Variants in TRIM36 observed in about 807,000 individuals in gnomAD.
TRIM36 encodes the protein E3 ubiquitin-protein ligase TRIM36.
A neutral mutation model predicts 72.4 loss-of-function variants in TRIM36; 42 were observed. The observed-to-expected ratio is 0.58, with a 90% CI of 0.45 to 0.75. The LOEUF (loss-of-function observed/expected upper bound fraction) is 0.75. TRIM36 is among the 30% of genes least tolerant of loss of function. The probability of loss-of-function intolerance (pLI) is 0.00; values close to 1 mark genes in which losing one functional copy is unlikely to be tolerated. For synonymous variants in TRIM36, 315 were observed against 282.8 expected (o/e 1.11, Z -1.14); for missense variants, 913 against 857.1 (o/e 1.07, Z -0.81).
At chr5:115,158,316 G>C (rs898636298) in intron 2 of TRIM36, among the ~76,000 whole-genome samples, 52 of 151,986 alleles carry the variant, frequency 3.4e-4, no homozygotes, top group African/African-American at 1.2e-3. Flanking sequence ...TAAAAAGTCA[G>C]CATAATTTTA....
At chr5:115,177,617 T>TG in intron 1 of TRIM36, 1 of 1,520,138 alleles carries the variant, frequency 6.6e-7, no homozygotes. Flanking sequence ...GGGCTAGTGC[T>TG]GGGGCTGCGG....
chr5:115,146,236 T>C (rs1416664639), intron 3 of TRIM36, among the ~76,000 whole-genome samples: 1 of 152,224 alleles, frequency 6.6e-6, no homozygotes, highest in African/African-American at 2.4e-5. Context: ...TGCCTTAATC[T>C]ACCAATCCTT....
intron 2 of TRIM36, among the ~76,000 whole-genome samples, chr5:115,162,812 C>A (rs1308735522): frequency 6.6e-6 from 1 of 151,960 alleles, no homozygotes; most frequent in African/African-American, 2.4e-5. Context: ...TGATGACTAG[C>A]CATTAGGTAG....
At chr5:115,138,600 G>T (rs1451912180) in intron 5 of TRIM36, among the ~76,000 whole-genome samples, 1 of 152,022 alleles carries the variant, frequency 6.6e-6, no homozygotes, top group Non-Finnish European at 1.5e-5. Flanking sequence ...TTTTTGTGAA[G>T]AGATTTTAAA....
chr5:115,147,948 T>C (rs1246397510), intron 2 of TRIM36, among the ~76,000 whole-genome samples: 4 of 152,224 alleles, frequency 2.6e-5, no homozygotes, highest in African/African-American at 9.6e-5. Flanking sequence ...ACAGCTTTTA[T>C]CAGATTTTCA....
Position 115,147,360 on chromosome 5 carries a change from A to C in TRIM36, c.297T>G (p.Thr99=), listed in dbSNP as rs763211112. ...GCTCACAGCCAGGGCAAGGGAAAAC[A>C]GTTGTCCTCGGGGTCAATGAATTGC... is the stretch of plus-strand genomic sequence containing the variant. ...WKRNSLTPRT[T]VFPCPGCEHD... is the part of the protein sequence containing the mutation. Residue 99 remains threonine, a synonymous_variant, in exon 3 of 10, where the codon ACT becomes ACG. Coordinates refer to ENST00000513154, the MANE Select transcript of TRIM36 (RefSeq NM_001300759.2). The C allele has an allele frequency of 1.2e-6, 2 of 1,613,202 alleles. No homozygotes were observed. Among genetic ancestry groups the C allele is most frequent in the African/African-American group, 1.3e-5 (1 of 74,928 alleles).
Position 115,144,466 on chromosome 5 carries a change from C to T in TRIM36, c.735+132G>A, listed in dbSNP as rs997022216. ...TACTAACAACCTAATATTAGTAGAT[C>T]GCTAAGTAACACTTTAACTCATTTT... On this transcript the variant is annotated intron_variant, in intron 4 of 9. Coordinates refer to ENST00000513154, the MANE Select transcript of TRIM36 (RefSeq NM_001300759.2). 4.1e-5 allele frequency: 45 copies of T among 1,092,026 alleles called. 1 individual carries two copies. The highest frequency in any genetic ancestry group is 1.8e-4 in the African/African-American group (11 of 62,202). The allele number at this position is 1,092,026 out of a possible 1,614,324, so 67.6% of individuals were successfully genotyped here. A position where few individuals can be genotyped will look rare whatever the true frequency, so the allele number is the denominator to read the frequency against.
chr5:115,150,189 T>C (rs1318644861), intron 2 of TRIM36, among the ~76,000 whole-genome samples: 2 of 152,222 alleles, frequency 1.3e-5, no homozygotes, highest in Non-Finnish European at 2.9e-5. Flanking sequence ...TCTTAGGATA[T>C]TCTGGGAAGT....
Position 115,178,948 on chromosome 5 carries a change from T to C in TRIM36, c.63+1027A>G, listed in dbSNP as rs182495635. 4.9e-4 allele frequency among the ~76,000 whole-genome samples: 74 copies of C among 152,202 alleles called. 2 individuals carry two copies. Among genetic ancestry groups the C allele is most frequent in the African/African-American group, 1.7e-3 (70 of 41,520 alleles). On this transcript the variant is annotated intron_variant, in intron 1 of 9. Coordinates refer to the TRIM36 transcript ENST00000282369. ...TATGCTATATCTGCGGCGTTGGAGT[T>C]AGTGGGGTGTGGGACTGCAGGGTTT...
chr5:115,166,467 T>G (rs1426445018), intron 1 of TRIM36, among the ~76,000 whole-genome samples: 1 of 152,156 alleles, frequency 6.6e-6, no homozygotes, highest in Non-Finnish European at 1.5e-5. Context: ...GAGCTGCAGT[T>G]GTCGGGAGGA....
At chr5:115,137,797 G>A (rs1753043468) in intron 5 of TRIM36, among the ~76,000 whole-genome samples, 181 bp from the exon 6 acceptor site, 1 of 152,154 alleles carries the variant, frequency 6.6e-6, no homozygotes, top group South Asian at 2.1e-4. Flanking sequence ...ATCTAACTCT[G>A]AAATTTTCAG....
Position 115,159,317 on chromosome 5 carries a change from T to C in TRIM36, c.262+4201A>G, listed in dbSNP as rs1012343084. Among the ~76,000 whole-genome samples, 3 of 152,234 alleles carry C rather than the reference T, an allele frequency of 2.0e-5. No individual in the cohort carries two copies. In the South Asian group the frequency reaches 6.2e-4, roughly 32 times the overall value. ...CCTTTAAATGTAGCAATATCAAGCTTTGTTCACTAAGTAAATGTAAAGGAT... is the reference window on the plus strand; with the variant it reads ...CCTTTAAATGTAGCAATATCAAGCTCTGTTCACTAAGTAAATGTAAAGGAT... On this transcript the variant is annotated intron_variant, in intron 2 of 9. Coordinates refer to ENST00000513154, the MANE Select transcript of TRIM36 (RefSeq NM_001300759.2).
upstream of TRIM36, among the ~76,000 whole-genome samples, chr5:115,170,908 T>G (rs1755084148): frequency 6.6e-6 from 1 of 152,230 alleles, no homozygotes; most frequent in African/African-American, 2.4e-5. Context: ...GGCGCACATT[T>G]CACCTGCCAC....
rs1752340974 is a variant in TRIM36, at chr5:115,125,933, T to C, written c.*570A>G. 6.6e-6 allele frequency: 1 copy of C among 152,220 alleles called. No homozygotes were observed. Among genetic ancestry groups the C allele is most frequent in the South Asian group, 2.1e-4 (1 of 4,832 alleles). 9.4% of individuals were successfully genotyped at this position (152,220 alleles called of 1,614,324 possible). A position where few individuals can be genotyped will look rare whatever the true frequency, so the allele number is the denominator to read the frequency against. On this transcript the variant is annotated 3_prime_UTR_variant, in exon 10 of 10. Transcript: ENST00000513154. ...AGTAGTATTCCTTTTCCAGGCAATA[T>C]ATTTTTAATAGTTACACACTTTAAA...
chr5:115,142,593 C>G (rs1039271120), intron 4 of TRIM36, among the ~76,000 whole-genome samples: 3 of 152,184 alleles, frequency 2.0e-5, no homozygotes, highest in Non-Finnish European at 2.9e-5. Context: ...ATCTGGCCAA[C>G]TATACGTTTA....
upstream of TRIM36, chr5:115,171,147 A>G (rs749366529): frequency 1.2e-5 from 19 of 1,614,212 alleles, no homozygotes; most frequent in South Asian, 1.9e-4. Context: ...GTTTGGGAGA[A>G]GTCTGTCGCT....
intron 1 of TRIM36, among the ~76,000 whole-genome samples, chr5:115,166,081 T>G (rs1328901400): frequency 1.3e-5 from 2 of 152,048 alleles, no homozygotes; most frequent in Admixed American, 6.6e-5. Context: ...TAAAACAGTC[T>G]GGGCACCATG....
rs141412241 is a variant in TRIM36 at position 115,125,436 on chromosome 5, G to A, written c.*1067C>T. 1 of 151,938 alleles carries A rather than the reference G, an allele frequency of 6.6e-6. No homozygotes were observed. Among genetic ancestry groups the A allele is most frequent in the Non-Finnish European group, 1.5e-5 (1 of 67,948 alleles). 9.4% of individuals were successfully genotyped at this position (151,938 alleles called of 1,614,324 possible). ...TTTGTATTTTTACTTGCTTATATTA[G>A]AAATGCTTATTACCAATGAGAAACA... On this transcript the variant is annotated 3_prime_UTR_variant, in exon 10 of 10. Coordinates refer to ENST00000513154, the MANE Select transcript of TRIM36 (RefSeq NM_001300759.2).
chr5:115,165,671 C>T (rs1364580597), intron 1 of TRIM36, among the ~76,000 whole-genome samples: 2 of 152,180 alleles, frequency 1.3e-5, no homozygotes, highest in Non-Finnish European at 2.9e-5. Flanking sequence ...GCAGAGCCAG[C>T]GGGACCCAGG....
Sources: gnomAD v4.1 joint callset for allele counts (sites outside exome capture counted in the v4.1 genomes callset) on GRCh38, gnomAD v4.1.1 for gene constraint, MANE v1.5 for transcripts, NCBI Gene and HGNC (gene_info 2026-07-23, HGNC 2026-07-21) for gene names.